LY86: variants seen among roughly 807,000 people sequenced by gnomAD.
The protein encoded by LY86 is lymphocyte antigen 86, also known as MD-1, RP105-associated.
Under a neutral mutation model 17.3 loss-of-function variants are expected in LY86, and 20 were observed. That is an observed-to-expected ratio of 1.15 (90% CI 0.81 to 1.68). LY86 has a LOEUF of 1.68. Among genes scored for constraint, LY86 ranks in the 40% most tolerant of loss-of-function variants. The pLI is 0.00. For missense variants in LY86, 200 were observed against 191.9 expected, an observed-to-expected ratio of 1.04 and a Z score of -0.25; for synonymous variants, 74 against 70.6, an observed-to-expected ratio of 1.05 and a Z score of -0.24.
chr6:6,641,518 C>T lies in LY86; in HGVS notation c.353-8107C>T, dbSNP rs1762040267. 2.6e-5 allele frequency among the ~76,000 whole-genome samples: 4 copies of T among 152,214 alleles called. No individual in the cohort carries two copies. The South Asian group carries it at 8.3e-4, about 31-fold the overall frequency. ...GTCCCTGTCACTCAGCTCCTGTCTT[C>T]TCCCAGAGTGTGAGATTCAGAGAAT... On this transcript the variant is annotated intron_variant, in intron 3 of 4. Coordinates refer to ENST00000230568, the MANE Select transcript of LY86 (RefSeq NM_004271.4).
At chr6:6,647,808 C>T (rs1043367501) in intron 3 of LY86, among the ~76,000 whole-genome samples, 1 of 152,134 alleles carries the variant, frequency 6.6e-6, no homozygotes, top group South Asian at 2.1e-4. Flanking sequence ...GTGAGGGAGG[C>T]ATCTCATCCT....
intron 1 of LY86, among the ~76,000 whole-genome samples, chr6:6,593,434 T>C (rs1760594151): frequency 6.6e-6 from 1 of 152,212 alleles, no homozygotes; most frequent in African/African-American, 2.4e-5. Flanking sequence ...AAGATTCACA[T>C]GTTCCAGGGG....
chr6:6,652,251 G>A (rs1357585004), intron 4 of LY86, among the ~76,000 whole-genome samples: 1 of 151,972 alleles, frequency 6.6e-6, no homozygotes, highest in Middle Eastern at 3.2e-3. Flanking sequence ...ATCCCAAAAT[G>A]GGCTCCCTAC....
chr6:6,624,710 T>C (rs1448501416), intron 1 of LY86, among the ~76,000 whole-genome samples: 1 of 152,102 alleles, frequency 6.6e-6, no homozygotes, highest in Non-Finnish European at 1.5e-5. Flanking sequence ...ATTCCATGGA[T>C]GGAGGCCCCC....
chr6:6,607,040 G>T (rs879873028), intron 1 of LY86, among the ~76,000 whole-genome samples: 6 of 152,398 alleles, frequency 3.9e-5, no homozygotes, highest in South Asian at 2.1e-4. Context: ...GGGATTGCAC[G>T]GGACGTGAAC....
intron 1 of LY86, among the ~76,000 whole-genome samples, chr6:6,589,317 A>G (rs1319501351): frequency 6.6e-6 from 1 of 152,214 alleles, no homozygotes; most frequent in African/African-American, 2.4e-5. Context: ...CCCAAAGAGA[A>G]GATTCCTGTC....
chr6:6,615,135 G>T (rs139150189), intron 1 of LY86, among the ~76,000 whole-genome samples: 19 of 152,282 alleles, frequency 1.2e-4, no homozygotes, highest in African/African-American at 4.6e-4. Context: ...AAAAAACTTG[G>T]TGTGGCTTTT....
chr6:6,641,183 G>C (rs1281371950), intron 3 of LY86, among the ~76,000 whole-genome samples: 1 of 152,212 alleles, frequency 6.6e-6, no homozygotes. Context: ...AGTTGAGCAA[G>C]TTCTAATTGT....
At chr6:6,610,154 CGTGT>C (rs1034878175) in intron 1 of LY86, among the ~76,000 whole-genome samples, 13 of 152,266 alleles carry the variant, frequency 8.5e-5, no homozygotes, top group Admixed American at 3.3e-4. Flanking sequence ...CACGTGCGTG[CGTGT>C]GAAAACCGCT....
chr6:6,630,234 A>G lies in LY86; in HGVS notation c.352+3813A>G, dbSNP rs192240686. Among the ~76,000 whole-genome samples the G allele has an allele frequency of 8.1e-4, 124 of 152,398 alleles. No homozygotes were observed. In the Middle Eastern group the frequency reaches 0.01, roughly 13 times the overall value. On this transcript the variant is annotated intron_variant, in intron 3 of 4. Coordinates refer to ENST00000230568, the MANE Select transcript of LY86 (RefSeq NM_004271.4). ...TGGGAATAAATTTAAGAGTTTTCAAAGAGAATTACAGCCTATGTAATATCC... is the reference window on the plus strand; with the variant it reads ...TGGGAATAAATTTAAGAGTTTTCAAGGAGAATTACAGCCTATGTAATATCC...
intron 1 of LY86, among the ~76,000 whole-genome samples, chr6:6,624,715 G>A (rs1245917757): frequency 6.6e-6 from 1 of 152,158 alleles, no homozygotes; most frequent in African/African-American, 2.4e-5. Context: ...ATGGATGGAG[G>A]CCCCCTGTTG....
chr6:6,622,390 T>A (rs74537168), intron 1 of LY86, among the ~76,000 whole-genome samples: 2,114 of 152,324 alleles, frequency 0.014, 51 homozygotes, highest in African/African-American at 0.048. Context: ...ATTTTGAGGA[T>A]TCACCTTCCT....
intron 4 of LY86, among the ~76,000 whole-genome samples, chr6:6,652,500 C>T (rs958103448): frequency 6.6e-6 from 1 of 152,194 alleles, no homozygotes; most frequent in African/African-American, 2.4e-5. Context: ...ACTCATCCAA[C>T]CCCTTGGCCC....
chr6:6,634,449 T>C (rs114004137), intron 3 of LY86, among the ~76,000 whole-genome samples: 274 of 152,320 alleles, frequency 1.8e-3, no homozygotes, highest in Non-Finnish European at 3.2e-3. Flanking sequence ...GTATTTAAAG[T>C]CTGGCATAAT....
intron 1 of LY86, among the ~76,000 whole-genome samples, chr6:6,593,213 T>C (rs1055006208): frequency 6.6e-6 from 1 of 152,270 alleles, no homozygotes; most frequent in African/African-American, 2.4e-5. Flanking sequence ...CTTTTCCAGC[T>C]TGTATAGGTG....
intron 1 of LY86, among the ~76,000 whole-genome samples, chr6:6,601,678 C>A (rs1373316583): frequency 6.6e-6 from 1 of 152,010 alleles, no homozygotes; most frequent in African/African-American, 2.4e-5. Flanking sequence ...AGAGATCGTG[C>A]CACTGCACTC....
chr6:6,644,990 TG>T (rs1383603191), intron 3 of LY86, among the ~76,000 whole-genome samples: 2 of 152,132 alleles, frequency 1.3e-5, no homozygotes, highest in Admixed American at 1.3e-4. Flanking sequence ...AACTGTAAAC[TG>T]TAAGAGACCA....
intron 1 of LY86, among the ~76,000 whole-genome samples, chr6:6,603,334 C>T (rs1760972852): frequency 6.7e-6 from 1 of 148,354 alleles, no homozygotes; most frequent in Admixed American, 6.8e-5. Context: ...CATTCATGAA[C>T]AGGACACTGG....
At chr6:6,595,828 C>A (rs1028984681) in intron 1 of LY86, among the ~76,000 whole-genome samples, 5 of 152,186 alleles carry the variant, frequency 3.3e-5, no homozygotes, top group Non-Finnish European at 4.4e-5. Flanking sequence ...CCATCCCCAA[C>A]CATTCCACCA....
Sources: gnomAD v4.1 joint callset for allele counts (sites outside exome capture counted in the v4.1 genomes callset) on GRCh38, gnomAD v4.1.1 for gene constraint, MANE v1.5 for transcripts, NCBI Gene and HGNC (gene_info 2026-07-23, HGNC 2026-07-21) for gene names.